The following KHDRBS3 variants were observed in gnomAD, a reference collection of about 807,000 sequenced individuals.
KHDRBS3 encodes KH RNA binding domain containing, signal transduction associated 3.
Under a neutral mutation model 45.6 loss-of-function variants are expected in KHDRBS3, and 23 were observed. The observed-to-expected ratio is 0.50, with a 90% CI of 0.36 to 0.72. KHDRBS3 has a LOEUF of 0.72. Ranked by LOEUF, KHDRBS3 falls within the 30% of genes least tolerant of loss-of-function variation. The pLI is 0.00. For missense variants in KHDRBS3, 352 were observed against 424.8 expected (o/e 0.83, Z 1.51); for synonymous variants, 162 against 156.5 (o/e 1.04, Z -0.26).
At chr8:135,568,756 G>GTCT (rs1329881671) in intron 5 of KHDRBS3, among the ~76,000 whole-genome samples, 5 of 152,172 alleles carry the variant, frequency 3.3e-5, no homozygotes, top group Non-Finnish European at 7.4e-5. Context: ...AACAATTTAA[G>GTCT]ACGTTAAAGA....
intron 1 of KHDRBS3, among the ~76,000 whole-genome samples, chr8:135,519,736 A>C (rs17602134): frequency 7.0e-4 from 106 of 152,340 alleles, no homozygotes; most frequent in Middle Eastern, 3.4e-3. Context: ...TGTCCCATTT[A>C]GTGTCCTTTA....
At chr8:135,469,415 G>A (rs1323232405) in intron 1 of KHDRBS3, among the ~76,000 whole-genome samples, 1 of 151,478 alleles carries the variant, frequency 6.6e-6, no homozygotes, top group East Asian at 1.9e-4. Flanking sequence ...AGCCTCCCGA[G>A]TAGCTGGGAC....
At chr8:135,629,972 A>G (rs979835914) in intron 7 of KHDRBS3, among the ~76,000 whole-genome samples, 4 of 152,210 alleles carry the variant, frequency 2.6e-5, no homozygotes, top group African/African-American at 9.7e-5. Context: ...CCGAGGGGAA[A>G]CATTCTGCTG....
intron 1 of KHDRBS3, among the ~76,000 whole-genome samples, chr8:135,479,805 T>A (rs1361121334): frequency 6.6e-6 from 1 of 152,164 alleles, no homozygotes; most frequent in Non-Finnish European, 1.5e-5. Flanking sequence ...GCTTCCCAAC[T>A]CATTCTTTGA....
At chr8:135,563,143 C>T (rs1827245725) in intron 5 of KHDRBS3, among the ~76,000 whole-genome samples, 3 of 152,120 alleles carry the variant, frequency 2.0e-5, no homozygotes, top group Non-Finnish European at 4.4e-5. Flanking sequence ...TCAGTGGCTC[C>T]TTTCCAGTTA....
intron 6 of KHDRBS3, among the ~76,000 whole-genome samples, chr8:135,587,005 G>T (rs1434641633): frequency 6.6e-6 from 1 of 152,046 alleles, no homozygotes; most frequent in Non-Finnish European, 1.5e-5. Context: ...TATAGTTTTA[G>T]GCCCAAGAAA....
chr8:135,650,936 G>C (rs371573480), downstream of KHDRBS3, among the ~76,000 whole-genome samples: 13 of 152,290 alleles, frequency 8.5e-5, no homozygotes, highest in East Asian at 3.9e-4. Flanking sequence ...AACACCTGCT[G>C]TGTTGCAGAT....
At chr8:135,655,998 G>A (rs1055406422) in intron 4 of KHDRBS3, among the ~76,000 whole-genome samples, 6 of 152,174 alleles carry the variant, frequency 3.9e-5, no homozygotes, top group Admixed American at 3.9e-4. Context: ...ATGGATAGTA[G>A]TGTAATCATC....
chr8:135,525,852 A>G (rs1825156842), intron 2 of KHDRBS3, among the ~76,000 whole-genome samples: 1 of 152,180 alleles, frequency 6.6e-6, no homozygotes, highest in East Asian at 1.9e-4. Flanking sequence ...TTAACCTGAA[A>G]CTAATACTTT....
At chr8:135,546,609 G>A (rs1050306081) in intron 3 of KHDRBS3, among the ~76,000 whole-genome samples, 3 of 151,984 alleles carry the variant, frequency 2.0e-5, no homozygotes, top group Non-Finnish European at 2.9e-5. Flanking sequence ...TTTACTGAGC[G>A]CTTATTATGT....
intron 2 of KHDRBS3, among the ~76,000 whole-genome samples, chr8:135,529,114 G>T (rs546713063): frequency 1.1e-4 from 17 of 152,280 alleles, no homozygotes; most frequent in African/African-American, 3.9e-4. Context: ...GGCCACTATG[G>T]ATTATATAAA....
chr8:135,516,490 A>G lies in KHDRBS3; in HGVS notation c.89-4747A>G, dbSNP rs546856176. On this transcript the variant is annotated intron_variant, in intron 1 of 8. Coordinates refer to ENST00000355849, the MANE Select transcript of KHDRBS3 (RefSeq NM_006558.3). ...ACCACTGTCATATATGTTGACTGTA[A>G]TGTCGCTACATGATGTAAAACTGTA... Among the ~76,000 whole-genome samples the G allele has an allele frequency of 2.6e-5, 4 of 152,196 alleles. No homozygotes were observed. The South Asian group carries it at 8.3e-4, about 32-fold the overall frequency.
intron 5 of KHDRBS3, among the ~76,000 whole-genome samples, chr8:135,567,839 A>G (rs1827503930): frequency 6.6e-6 from 1 of 152,200 alleles, no homozygotes; most frequent in Non-Finnish European, 1.5e-5. Context: ...TTAACCATTT[A>G]ATTTGCAGGC....
At chr8:135,529,378 C>T (rs1825352655) in intron 2 of KHDRBS3, among the ~76,000 whole-genome samples, 1 of 152,158 alleles carries the variant, frequency 6.6e-6, no homozygotes, top group South Asian at 2.1e-4. Flanking sequence ...AATATGACAG[C>T]ATTTCAGATG....
chr8:135,469,506 GTTTTTTTTTTGTTTTGGTTTTTTTTTTT>G (rs1821877264), intron 1 of KHDRBS3, among the ~76,000 whole-genome samples: 3 of 111,280 alleles, frequency 2.7e-5, no homozygotes, highest in Admixed American at 8.9e-5. Context: ...CCAGGATGGT[GTTTTTTTTTTGTTTTGGTTTTTTTTTTT>G]TTTTTTTTTT....
chr8:135,640,760 G>A (rs749316244), intron 7 of KHDRBS3, among the ~76,000 whole-genome samples: 1 of 152,164 alleles, frequency 6.6e-6, no homozygotes, highest in African/African-American at 2.4e-5. Context: ...CTTTGATGGA[G>A]TTGAGAAGTA....
chr8:135,653,171 T>G (rs980242965), intron 4 of KHDRBS3, among the ~76,000 whole-genome samples: 3 of 152,132 alleles, frequency 2.0e-5, no homozygotes, highest in African/African-American at 7.2e-5. Context: ...GATGGTGGTG[T>G]TATCCTGAGG....
rs183026545 is a variant in KHDRBS3 at position 135,540,341 on chromosome 8, C to T, written c.208-2313C>T. The T allele has an allele frequency of 1.7e-3, 261 of 152,224 alleles. 1 individual carries two copies. Among genetic ancestry groups the T allele is most frequent in the Admixed American group, 2.9e-3 (45 of 15,288 alleles). The allele number at this position is 152,224 out of a possible 1,614,324, so 9.4% of individuals were successfully genotyped here. ...TCATTACTGTGGGAAAACTCGAGAG[C>T]GCTCAGGAATTGTAGGTAGCAATTA... On this transcript the variant is annotated intron_variant, in intron 2 of 8. Coordinates refer to ENST00000355849, the MANE Select transcript of KHDRBS3 (RefSeq NM_006558.3).
chr8:135,463,038 T>G (rs961796074), intron 1 of KHDRBS3, among the ~76,000 whole-genome samples: 15 of 152,212 alleles, frequency 9.9e-5, no homozygotes, highest in African/African-American at 3.4e-4. Flanking sequence ...CCTCTGACCT[T>G]TTTCAAAATG....
Sources: allele counts gnomAD v4.1 joint callset (sites outside exome capture counted in the v4.1 genomes callset), GRCh38; gene constraint gnomAD v4.1.1; transcripts MANE v1.5; gene names NCBI Gene and HGNC (gene_info 2026-07-23, HGNC 2026-07-21).